PHKB: variants seen among roughly 807,000 people sequenced by gnomAD.
The protein encoded by PHKB is phosphorylase b kinase regulatory subunit beta.
Under a neutral mutation model 152.1 loss-of-function variants are expected in PHKB, and 122 were observed. That is an observed-to-expected ratio of 0.80 (90% CI 0.69 to 0.93). The LOEUF (loss-of-function observed/expected upper bound fraction) is 0.93. Among genes scored for constraint, PHKB ranks in the 40% least tolerant of loss-of-function variants. The pLI is 0.00. For missense variants in PHKB, 1,304 were observed against 1,328.4 expected, an observed-to-expected ratio of 0.98 and a Z score of 0.29; for synonymous variants, 436 against 464.9, an observed-to-expected ratio of 0.94 and a Z score of 0.80.
In PHKB at chr16:47,504,875, A is replaced by G. The variant is rs550594371; in HGVS notation, c.405+1785A>G. Reference sequence around the variant, plus strand: ...TGAGGGTGCACCACTGGCCCATCTCACCCAGGGCGGTGCCCCAGAGGTGGA... The same window carrying G: ...TGAGGGTGCACCACTGGCCCATCTCGCCCAGGGCGGTGCCCCAGAGGTGGA... On this transcript the variant is annotated intron_variant, in intron 4 of 30. Transcript: ENST00000323584. Among the ~76,000 whole-genome samples the G allele has an allele frequency of 7.9e-5, 12 of 152,290 alleles. No individual in the cohort carries two copies. The East Asian group carries it at 1.7e-3, about 22-fold the overall frequency.
chr16:47,677,924 C>A (rs1372603274), intron 26 of PHKB, among the ~76,000 whole-genome samples: 1 of 131,438 alleles, frequency 7.6e-6, no homozygotes, highest in Non-Finnish European at 1.6e-5. Context: ...CCCCCCTCCC[C>A]CGACCCCACA....
chr16:47,528,232 C>T (rs1970800122), intron 6 of PHKB, among the ~76,000 whole-genome samples: 1 of 152,132 alleles, frequency 6.6e-6, no homozygotes, highest in Non-Finnish European at 1.5e-5. Flanking sequence ...AAGGGTCAGA[C>T]CTTATTGTAA....
At chr16:47,690,621 G>A (rs1463223282) in intron 27 of PHKB, among the ~76,000 whole-genome samples, 1 of 152,180 alleles carries the variant, frequency 6.6e-6, no homozygotes, top group Non-Finnish European at 1.5e-5. Context: ...AGACAAATGG[G>A]AGTGAAGAGA....
At chr16:47,561,065 C>G (rs1971468102) in intron 7 of PHKB, among the ~76,000 whole-genome samples, 1 of 152,150 alleles carries the variant, frequency 6.6e-6, no homozygotes, top group Non-Finnish European at 1.5e-5. Flanking sequence ...CATGTTCATT[C>G]TTTTGCCAAG....
In PHKB at chr16:47,626,581, G is replaced by T. The variant is rs139307254; in HGVS notation, c.1459-14454G>T. ...TCTCTAGTGAACTGAAAAGTTTATG[G>T]TACAGCCAGTAAGATGCAGCAGTCT... is the stretch of plus-strand genomic sequence containing the variant. On this transcript the variant is annotated intron_variant, in intron 14 of 30. Transcript: ENST00000323584. Among the ~76,000 whole-genome samples, 296 of 152,264 alleles carry T rather than the reference G, an allele frequency of 1.9e-3. 1 individual carries two copies. The highest frequency in any genetic ancestry group is 3.8e-3 in the Non-Finnish European group (259 of 68,020).
intron 26 of PHKB, among the ~76,000 whole-genome samples, chr16:47,681,993 G>A (rs566283247): frequency 6.6e-6 from 1 of 152,066 alleles, no homozygotes; most frequent in South Asian, 2.1e-4. Flanking sequence ...CAGCTTGTCT[G>A]TAAAGTATTT....
At chr16:47,552,143 C>G (rs2151675434) in intron 7 of PHKB, among the ~76,000 whole-genome samples, 1 of 152,312 alleles carries the variant, frequency 6.6e-6, no homozygotes, top group East Asian at 1.9e-4. Flanking sequence ...ATACAGCACA[C>G]TGATGGGTCT....
chr16:47,580,175 C>T, intron 7 of PHKB, 120 bp from the exon 8 acceptor site: 1 of 769,678 alleles, frequency 1.3e-6, no homozygotes, highest in East Asian at 2.5e-5. Context: ...CATTATTCTT[C>T]TTACAGAAGT....
chr16:47,528,974 G>C (rs903770199), intron 6 of PHKB, among the ~76,000 whole-genome samples: 1 of 152,000 alleles, frequency 6.6e-6, no homozygotes, highest in African/African-American at 2.4e-5. Context: ...GATTACAGGC[G>C]TGAGGAACCA....
At chr16:47,562,777 A>G (rs913016036) in intron 7 of PHKB, among the ~76,000 whole-genome samples, 3 of 152,200 alleles carry the variant, frequency 2.0e-5, no homozygotes, top group Admixed American at 6.5e-5. Flanking sequence ...TCCTTTCACA[A>G]TAGATTTCTC....
chr16:47,642,038 A>T (rs1247752501), intron 16 of PHKB, among the ~76,000 whole-genome samples: 2 of 151,500 alleles, frequency 1.3e-5, no homozygotes, highest in Non-Finnish European at 2.9e-5. Flanking sequence ...TTTTGATTTG[A>T]TTTTTTTCCT....
At chr16:47,505,903 C>T (rs1449132303) in intron 4 of PHKB, among the ~76,000 whole-genome samples, 1 of 151,076 alleles carries the variant, frequency 6.6e-6, no homozygotes, top group Non-Finnish European at 1.5e-5. Context: ...TTTGGTGGTG[C>T]GCACCCATAG....
At chr16:47,627,341 G>A (rs1174125163) in intron 14 of PHKB, among the ~76,000 whole-genome samples, 2 of 152,246 alleles carry the variant, frequency 1.3e-5, no homozygotes, top group Non-Finnish European at 2.9e-5. Flanking sequence ...CAGTATGCAA[G>A]ACTGTTAGCA....
intron 7 of PHKB, among the ~76,000 whole-genome samples, chr16:47,574,012 C>T (rs935689376): frequency 2.0e-5 from 3 of 152,182 alleles, no homozygotes; most frequent in South Asian, 4.1e-4. Context: ...CTCCACCTCC[C>T]GGGTCCAAGC....
At chr16:47,547,914 G>C in intron 7 of PHKB, 1 of 285,206 alleles carries the variant, frequency 3.5e-6, no homozygotes, top group South Asian at 3.4e-5. Flanking sequence ...AACACCAGTT[G>C]TATATGCACT....
chr16:47,700,870 T>C lies in PHKB; in HGVS notation c.*1504T>C, dbSNP rs915381094. On this transcript the variant is annotated 3_prime_UTR_variant, in exon 31 of 31. Coordinates refer to ENST00000323584, the MANE Select transcript of PHKB (RefSeq NM_000293.3). ...TCAAATGAATGGATGTGTGAGCACATGGAAAAATCTGCTGTCAGTCACATT... is the reference window on the plus strand; with the variant it reads ...TCAAATGAATGGATGTGTGAGCACACGGAAAAATCTGCTGTCAGTCACATT... 1 of 152,144 alleles carries C rather than the reference T, an allele frequency of 6.6e-6. No individual in the cohort carries two copies. Among genetic ancestry groups the C allele is most frequent in the Non-Finnish European group, 1.5e-5 (1 of 68,026 alleles). The allele number at this position is 152,144 out of a possible 1,614,324, so 9.4% of individuals were successfully genotyped here.
intron 1 of PHKB, among the ~76,000 whole-genome samples, chr16:47,469,608 T>G: frequency 2.7e-5 from 4 of 146,374 alleles, no homozygotes; most frequent in Admixed American, 7.0e-5. Flanking sequence ...GAGGGGAGAG[T>G]GAGGGAGAGG....
In PHKB at chr16:47,666,139, A is replaced by G. The variant is rs1597162810; in HGVS notation, c.2427+1164A>G. Reference sequence around the variant, plus strand: ...ACCTCAATGTCATAGGCCTCTTACAATCAGATTTATAAGGGCTCAGGCACT... The same window carrying G: ...ACCTCAATGTCATAGGCCTCTTACAGTCAGATTTATAAGGGCTCAGGCACT... On this transcript the variant is annotated intron_variant, in intron 25 of 30. Transcript: ENST00000323584. 6 of 787,374 alleles carry G rather than the reference A, an allele frequency of 7.6e-6. No homozygotes were observed. The East Asian group carries it at 7.9e-5, about 10-fold the overall frequency. 48.8% of individuals were successfully genotyped at this position (787,374 alleles called of 1,614,324 possible). A position where few individuals can be genotyped will look rare whatever the true frequency, so the allele number is the denominator to read the frequency against.
At chr16:47,540,255 C>G (rs1373474218) in intron 6 of PHKB, among the ~76,000 whole-genome samples, 1 of 139,116 alleles carries the variant, frequency 7.2e-6, no homozygotes, top group African/African-American at 2.6e-5. Flanking sequence ...CCTCCCTCCC[C>G]CCTCCCCGGT....
Sources: allele counts gnomAD v4.1 joint callset (sites outside exome capture counted in the v4.1 genomes callset), GRCh38; gene constraint gnomAD v4.1.1; transcripts MANE v1.5; gene names NCBI Gene and HGNC (gene_info 2026-07-23, HGNC 2026-07-21).